Variants in CCSER1 observed in about 807,000 individuals in gnomAD.
CCSER1 encodes serine-rich coiled-coil domain-containing protein 1.
In CCSER1, 41 loss-of-function variants were observed where a neutral mutation model predicts 82.0. The observed-to-expected ratio is 0.50, with a 90% CI of 0.39 to 0.65. The LOEUF is 0.65. CCSER1 is among the 30% of genes least tolerant of loss of function. CCSER1 has a pLI of 0.00. For synonymous variants in CCSER1, 414 were observed against 383.9 expected (o/e 1.08, Z -0.92); for missense variants, 1,119 against 1,064.2 (o/e 1.05, Z -0.72).
chr4:90,711,106 T>C (rs1319026673), intron 6 of CCSER1, among the ~76,000 whole-genome samples: 1 of 152,132 alleles, frequency 6.6e-6, no homozygotes, highest in African/African-American at 2.4e-5. Context: ...TAAATGTGAA[T>C]TCATTCATGA....
At chr4:90,633,260 C>T (rs1724777165) in intron 6 of CCSER1, among the ~76,000 whole-genome samples, 1 of 152,016 alleles carries the variant, frequency 6.6e-6, no homozygotes, top group African/African-American at 2.4e-5. Flanking sequence ...AAATGATAAA[C>T]TTGAGTGCTT....
At chr4:91,216,338 G>C (rs900000764) in intron 10 of CCSER1, among the ~76,000 whole-genome samples, 1 of 152,042 alleles carries the variant, frequency 6.6e-6, no homozygotes, top group African/African-American at 2.4e-5. Context: ...TTGTTTGTTT[G>C]AGACAGAGTC....
chr4:90,715,912 A>T (rs1026197365), intron 6 of CCSER1, among the ~76,000 whole-genome samples: 41 of 151,936 alleles, frequency 2.7e-4, no homozygotes, highest in African/African-American at 9.2e-4. Context: ...CTCTGTTTGT[A>T]ATGCAAAAGA....
At chr4:90,623,217 G>A (rs963427983) in intron 5 of CCSER1, among the ~76,000 whole-genome samples, 2 of 151,502 alleles carry the variant, frequency 1.3e-5, no homozygotes, top group Non-Finnish European at 2.9e-5. Flanking sequence ...TGTATTTTTA[G>A]TAGAGACAGG....
At chr4:90,501,253 A>G (rs17017067) in intron 5 of CCSER1, among the ~76,000 whole-genome samples, 4,044 of 152,300 alleles carry the variant, frequency 0.027, 190 homozygotes, top group African/African-American at 0.092. Flanking sequence ...ATTTCATAGT[A>G]GTAATAGAAT....
At chr4:91,170,381 A>G (rs1732626950) in intron 10 of CCSER1, among the ~76,000 whole-genome samples, 1 of 152,198 alleles carries the variant, frequency 6.6e-6, no homozygotes, top group South Asian at 2.1e-4. Flanking sequence ...GCATATGCCA[A>G]TGAAGCAAAA....
intron 9 of CCSER1, among the ~76,000 whole-genome samples, chr4:90,928,854 A>G (rs1729381944): frequency 6.6e-6 from 1 of 152,146 alleles, no homozygotes; most frequent in African/African-American, 2.4e-5. Flanking sequence ...CATGTAGTAT[A>G]AAAATTATAT....
intron 10 of CCSER1, among the ~76,000 whole-genome samples, chr4:91,422,931 T>C (rs2149384983): frequency 6.6e-6 from 1 of 152,238 alleles, no homozygotes; most frequent in Middle Eastern, 3.4e-3. Context: ...CTTTTTAACA[T>C]ATAAGATTTT....
At chr4:91,216,306 A>G (rs184642194) in intron 10 of CCSER1, among the ~76,000 whole-genome samples, 1 of 152,262 alleles carries the variant, frequency 6.6e-6, no homozygotes, top group African/African-American at 2.4e-5. Flanking sequence ...AAGTAGGGAA[A>G]CACTGACTTT....
intron 9 of CCSER1, among the ~76,000 whole-genome samples, chr4:91,076,739 A>G (rs972567850): frequency 6.6e-6 from 1 of 152,216 alleles, no homozygotes; most frequent in Non-Finnish European, 1.5e-5. Context: ...AAATACATAG[A>G]AAGGCTATGA....
At chr4:90,158,486 G>T (rs1182956532) in intron 1 of CCSER1, among the ~76,000 whole-genome samples, 2 of 152,228 alleles carry the variant, frequency 1.3e-5, no homozygotes, top group African/African-American at 4.8e-5. Flanking sequence ...CAGAGGTGGA[G>T]CCTACAGAGG....
In CCSER1 at chr4:90,703,480, C is replaced by T. The variant is rs141102761; in HGVS notation, c.1933-20434C>T. On this transcript the variant is annotated intron_variant, in intron 6 of 10. Transcript: ENST00000509176. ...TTGGGGTGGAGAGTTCTGTAGATGT[C>T]TATTAGGTCCGCTTGATGTAGAGCT... Among the ~76,000 whole-genome samples, 1,193 of 152,194 alleles carry T rather than the reference C, an allele frequency of 7.8e-3. 15 individuals carry two copies. The highest frequency in any genetic ancestry group is 0.028 in the African/African-American group (1,144 of 41,528).
chr4:91,157,221 T>C (rs994678114), intron 10 of CCSER1, among the ~76,000 whole-genome samples: 1 of 152,046 alleles, frequency 6.6e-6, no homozygotes, highest in African/African-American at 2.4e-5. Flanking sequence ...ACTTATGTTG[T>C]TGTTATTCGA....
chr4:91,373,904 T>A (rs994773491), intron 10 of CCSER1, among the ~76,000 whole-genome samples: 1 of 152,154 alleles, frequency 6.6e-6, no homozygotes, highest in Non-Finnish European at 1.5e-5. Flanking sequence ...GCCTTATTGC[T>A]GATATGGAAA....
At chr4:91,437,769 T>A (rs1272916735) in intron 10 of CCSER1, among the ~76,000 whole-genome samples, 4 of 152,178 alleles carry the variant, frequency 2.6e-5, no homozygotes, top group African/African-American at 9.7e-5. Context: ...ATCGGGTCAC[T>A]CCCACCCTAA....
rs1289997682 is a variant in CCSER1 at position 90,930,935 on chromosome 4, T to TAC, written c.2172+7489_2172+7490insCA. On this transcript the variant is annotated intron_variant, in intron 9 of 10. Transcript: ENST00000509176. ...TTATATATATATATATATATATATATATATACACATGACATATATATACAT... is the reference window on the plus strand; with the variant it reads ...TTATATATATATATATATATATATATACATATACACATGACATATATATACAT... Among the ~76,000 whole-genome samples the TAC allele has an allele frequency of 1.2e-3, 158 of 137,358 alleles. 1 individual carries two copies. Among genetic ancestry groups the TAC allele is most frequent in the Non-Finnish European group, 2.2e-3 (137 of 63,104 alleles). The allele number at this position is 137,358 out of a possible 152,430, so 90.1% of individuals were successfully genotyped here. A position where few individuals can be genotyped will look rare whatever the true frequency, so the allele number is the denominator to read the frequency against.
At chr4:90,923,273 G>A in intron 8 of CCSER1, 97 bp from the exon 9 acceptor site, 1 of 845,990 alleles carries the variant, frequency 1.2e-6, no homozygotes, top group South Asian at 1.5e-5. Flanking sequence ...AGAAGAACAT[G>A]AATTATACAC....
chr4:91,049,733 GA>G (rs1308610785), intron 9 of CCSER1, among the ~76,000 whole-genome samples: 1 of 152,182 alleles, frequency 6.6e-6, no homozygotes, highest in African/African-American at 2.4e-5. Flanking sequence ...ATTGCAATGA[GA>G]AATGCCTACT....
At chr4:91,348,572 T>C (rs1312876945) in intron 10 of CCSER1, among the ~76,000 whole-genome samples, 2 of 152,200 alleles carry the variant, frequency 1.3e-5, no homozygotes, top group African/African-American at 4.8e-5. Context: ...AAATTATTGG[T>C]AGAATTCATC....
Sources: allele counts gnomAD v4.1 joint callset (sites outside exome capture counted in the v4.1 genomes callset), GRCh38; gene constraint gnomAD v4.1.1; transcripts MANE v1.5; gene names NCBI Gene and HGNC (gene_info 2026-07-23, HGNC 2026-07-21).